The following ATXN1 variants were observed in gnomAD, a reference collection of about 807,000 sequenced individuals.
ATXN1 encodes ataxin 1, also known as ataxin-1.
ATXN1 carries 8 observed loss-of-function variants against 56.4 expected under a neutral mutation model. The ratio of observed to expected loss-of-function variants is 0.14; its 90% CI spans 0.08 to 0.26. The LOEUF (loss-of-function observed/expected upper bound fraction) is 0.26. Among genes scored for constraint, ATXN1 ranks in the 10% least tolerant of loss-of-function variants. The probability of loss-of-function intolerance (pLI) is 1.00; values close to 1 mark genes in which losing one functional copy is unlikely to be tolerated. For missense variants in ATXN1, 987 were observed against 1,106.5 expected, an observed-to-expected ratio of 0.89 and a Z score of 1.53; for synonymous variants, 514 against 494.6, an observed-to-expected ratio of 1.04 and a Z score of -0.52.
chr6:16,462,775 C>G (rs1006143873), intron 6 of ATXN1, among the ~76,000 whole-genome samples: 2 of 152,092 alleles, frequency 1.3e-5, no homozygotes, highest in African/African-American at 4.8e-5. Flanking sequence ...ACCTACTATC[C>G]CATCAGTGTA....
At chr6:16,470,482 TTACTA>T (rs1267483740) in intron 6 of ATXN1, among the ~76,000 whole-genome samples, 2 of 152,186 alleles carry the variant, frequency 1.3e-5, no homozygotes, top group African/African-American at 4.8e-5. Flanking sequence ...TATGTGTACT[TTACTA>T]TAATAAAAAA....
intron 3 of ATXN1, among the ~76,000 whole-genome samples, chr6:16,656,850 C>T (rs1417645183): frequency 6.6e-6 from 1 of 152,078 alleles, no homozygotes; most frequent in African/African-American, 2.4e-5. Flanking sequence ...GCTTATTGCT[C>T]CTAGGCTACA....
intron 6 of ATXN1, among the ~76,000 whole-genome samples, chr6:16,332,705 G>C (rs1379026463): frequency 6.6e-6 from 1 of 152,240 alleles, no homozygotes; most frequent in African/African-American, 2.4e-5. Context: ...AATGTATTTA[G>C]AGTTTGCTAC....
rs140641937 is a variant in ATXN1 at position 16,407,225 on chromosome 6, C to T, written c.-161+78747G>A. 4.7e-4 allele frequency among the ~76,000 whole-genome samples: 71 copies of T among 152,244 alleles called. 2 individuals are homozygous for T. The highest frequency in any genetic ancestry group is 1.6e-3 in the African/African-American group (68 of 41,544). ...TAAAAGATTGTGTTGTGGGCACTAC[C>T]CTTATCTTAAAGTCTTAACTTCATG... On this transcript the variant is annotated intron_variant, in intron 6 of 7. Transcript: ENST00000436367.
chr6:16,414,916 C>T (rs2113556591), intron 6 of ATXN1, among the ~76,000 whole-genome samples: 1 of 152,218 alleles, frequency 6.6e-6, no homozygotes, highest in South Asian at 2.1e-4. Context: ...GATTTGTGTT[C>T]AGCACAATGG....
chr6:16,672,729 A>G (rs1259217506), intron 2 of ATXN1, among the ~76,000 whole-genome samples: 2 of 152,204 alleles, frequency 1.3e-5, no homozygotes, highest in Non-Finnish European at 2.9e-5. Context: ...TAGACAATGG[A>G]AAAAGGTGGG....
In ATXN1 at chr6:16,545,960, G is replaced by A. The variant is rs564106701; in HGVS notation, c.-360-23272C>T. ...GCACAGCTATCGTATTAGCTGTTAA[G>A]AAATAAAAAATGGGGAGGGTGTCGG... On this transcript the variant is annotated intron_variant, in intron 4 of 7. Coordinates refer to ENST00000436367, the MANE Select transcript of ATXN1 (RefSeq NM_001128164.2). Among the ~76,000 whole-genome samples, 124 of 152,292 alleles carry A rather than the reference G, an allele frequency of 8.1e-4. 1 individual carries two copies. The highest frequency in any genetic ancestry group is 3.4e-3 in the Middle Eastern group (1 of 294).
intron 4 of ATXN1, among the ~76,000 whole-genome samples, chr6:16,528,840 C>T (rs370307431): frequency 2.0e-5 from 3 of 152,132 alleles, no homozygotes; most frequent in East Asian, 3.9e-4. Flanking sequence ...GCAACATGCA[C>T]GAGAGATTAA....
intron 2 of ATXN1, among the ~76,000 whole-genome samples, chr6:16,707,384 A>C (rs1759430046): frequency 6.6e-6 from 1 of 152,126 alleles, no homozygotes; most frequent in South Asian, 2.1e-4. Flanking sequence ...CCTCAAATAC[A>C]ACACCAAATC....
At chr6:16,487,929 C>A (rs116769438) in intron 5 of ATXN1, among the ~76,000 whole-genome samples, 2 of 152,112 alleles carry the variant, frequency 1.3e-5, no homozygotes, top group African/African-American at 4.8e-5. Flanking sequence ...CTGTATTATA[C>A]GAACTGATCT....
At chr6:16,337,146 A>G (rs1401015342) in intron 6 of ATXN1, among the ~76,000 whole-genome samples, 2 of 152,144 alleles carry the variant, frequency 1.3e-5, no homozygotes, top group Non-Finnish European at 2.9e-5. Context: ...CTTATCCCTA[A>G]GTGGGGCTGA....
At chr6:16,314,719 G>A (rs566605913) in intron 7 of ATXN1, among the ~76,000 whole-genome samples, 7 of 151,960 alleles carry the variant, frequency 4.6e-5, no homozygotes, top group South Asian at 2.1e-4. Flanking sequence ...GGGTTCAAGC[G>A]ATTCTCCTGC....
chr6:16,710,356 A>T (rs530497724), intron 2 of ATXN1, among the ~76,000 whole-genome samples: 2 of 152,310 alleles, frequency 1.3e-5, no homozygotes, highest in African/African-American at 4.8e-5. Flanking sequence ...AATATTGTTA[A>T]GGTGAATTTT....
At chr6:16,621,224 T>G (rs561208033) in intron 3 of ATXN1, among the ~76,000 whole-genome samples, 2 of 152,326 alleles carry the variant, frequency 1.3e-5, no homozygotes, top group Admixed American at 6.5e-5. Context: ...GGTTATTGCA[T>G]CCTTCCTTCT....
intron 2 of ATXN1, among the ~76,000 whole-genome samples, chr6:16,676,072 GC>G (rs1758654934): frequency 6.6e-6 from 1 of 152,088 alleles, no homozygotes; most frequent in Non-Finnish European, 1.5e-5. Flanking sequence ...ACACCATGAA[GC>G]CTGTGTCTCT....
chr6:16,636,732 C>A (rs1273157030), intron 3 of ATXN1, among the ~76,000 whole-genome samples: 2 of 152,174 alleles, frequency 1.3e-5, no homozygotes, highest in African/African-American at 4.8e-5. Context: ...CAGGTCATAG[C>A]AGTGCTGTTT....
intron 3 of ATXN1, among the ~76,000 whole-genome samples, chr6:16,632,646 A>C (rs1347941821): frequency 6.7e-6 from 1 of 150,338 alleles, no homozygotes; most frequent in African/African-American, 2.5e-5. Flanking sequence ...ATAGTGCTCC[A>C]AAAGCCAGGA....
Position 16,327,069 on chromosome 6 carries a change from A to G in ATXN1, c.1242T>C (p.Ser414=). The change falls in exon 7 of 8, where the codon AGT becomes AGC. Residue 414 remains serine, a synonymous_variant. Coordinates refer to ENST00000436367, the MANE Select transcript of ATXN1 (RefSeq NM_001128164.2). Reference sequence around the variant, plus strand: ...GGCCAGGCTTCCCTAAATGCAGGCCACTTTTGTCGTTGAGGGTAGAAGGGG... The same window carrying G: ...GGCCAGGCTTCCCTAAATGCAGGCCGCTTTTGTCGTTGAGGGTAGAAGGGG... ...EASPSTLNDK[S]GLHLGKPGHR... is the part of the protein sequence containing the mutation. 1 of 1,613,984 alleles carries G rather than the reference A, an allele frequency of 6.2e-7. No homozygotes were observed. Among genetic ancestry groups the G allele is most frequent in the Non-Finnish European group, 8.5e-7 (1 of 1,180,026 alleles).
At chr6:16,677,033 A>C (rs891634181) in intron 2 of ATXN1, among the ~76,000 whole-genome samples, 2 of 152,198 alleles carry the variant, frequency 1.3e-5, no homozygotes, top group Non-Finnish European at 2.9e-5. Context: ...CTTTTTTTAA[A>C]ACAATGAATG....
Sources: gnomAD v4.1 joint callset for allele counts (sites outside exome capture counted in the v4.1 genomes callset) on GRCh38, gnomAD v4.1.1 for gene constraint, MANE v1.5 for transcripts, NCBI Gene and HGNC (gene_info 2026-07-23, HGNC 2026-07-21) for gene names.